GRHL2: variants seen among roughly 807,000 people sequenced by gnomAD.
GRHL2 encodes grainyhead-like protein 2 homolog.
A neutral mutation model predicts 83.8 loss-of-function variants in GRHL2; 21 were observed. The observed-to-expected ratio is 0.25, with a 90% CI of 0.18 to 0.36. The LOEUF is 0.36. Among genes scored for constraint, GRHL2 ranks in the 10% least tolerant of loss-of-function variants. The probability of loss-of-function intolerance (pLI) is 1.00; values close to 1 mark genes in which losing one functional copy is unlikely to be tolerated. For synonymous variants in GRHL2, 280 were observed against 278.9 expected (o/e 1.00, Z -0.04); for missense variants, 623 against 781.8 (o/e 0.80, Z 2.42).
chr8:101,503,142 G>A (rs1440227957), intron 1 of GRHL2, among the ~76,000 whole-genome samples: 1 of 152,134 alleles, frequency 6.6e-6, no homozygotes, highest in Non-Finnish European at 1.5e-5. Flanking sequence ...GAAGTCAATT[G>A]CCCCTGAAAG....
chr8:101,570,648 C>T (rs1811803526), intron 5 of GRHL2, among the ~76,000 whole-genome samples: 1 of 152,092 alleles, frequency 6.6e-6, no homozygotes, highest in Non-Finnish European at 1.5e-5. Context: ...TTCCTCTGAA[C>T]CTCATACTCA....
At chr8:101,641,954 T>C (rs2226399) in intron 12 of GRHL2, among the ~76,000 whole-genome samples, 62,938 of 152,074 alleles carry the variant, frequency 0.41, 15,343 homozygotes, top group Non-Finnish European at 0.54. Flanking sequence ...ATATACTGTA[T>C]TGTTTTGGGA....
downstream of GRHL2, among the ~76,000 whole-genome samples, chr8:101,673,622 C>A (rs1464683274): frequency 4.6e-5 from 7 of 151,700 alleles, no homozygotes; most frequent in Non-Finnish European, 8.8e-5. Flanking sequence ...ACTTTGACAC[C>A]CCACTGTCAA....
intron 1 of GRHL2, chr8:101,528,960 G>T: frequency 3.2e-6 from 1 of 310,982 alleles, no homozygotes; most frequent in Non-Finnish European, 6.4e-6. Flanking sequence ...ACAAGCTCAC[G>T]GGTACATGGA....
intron 9 of GRHL2, among the ~76,000 whole-genome samples, chr8:101,630,631 C>T (rs1813168530): frequency 6.6e-6 from 1 of 152,084 alleles, no homozygotes; most frequent in Non-Finnish European, 1.5e-5. Context: ...CCTAAATATG[C>T]CACCACAATG....
In GRHL2 at chr8:101,578,093, C is replaced by G. The variant is rs189671266; in HGVS notation, c.1003+574C>G. 2.7e-3 allele frequency among the ~76,000 whole-genome samples: 417 copies of G among 152,286 alleles called. 6 individuals carry two copies. The highest frequency in any genetic ancestry group is 9.7e-3 in the African/African-American group (402 of 41,562). On this transcript the variant is annotated intron_variant, in intron 7 of 15. Transcript: ENST00000646743. Reference sequence around the variant, plus strand: ...TCCGTTCTGTAGAGACCAGCAGCCCCCTGGATGGCACATCACTCGGGGTCC... The same window carrying G: ...TCCGTTCTGTAGAGACCAGCAGCCCGCTGGATGGCACATCACTCGGGGTCC...
At chr8:101,573,890 C>T (rs754695632) in intron 6 of GRHL2, 66 bp downstream of exon 6, 24 of 1,541,210 alleles carry the variant, frequency 1.6e-5, no homozygotes, top group Non-Finnish European at 2.1e-5. Flanking sequence ...ACCTCACAGC[C>T]TTGTGGAATG....
chr8:101,670,823 T>TCTC (rs2129800568), downstream of GRHL2, among the ~76,000 whole-genome samples: 1 of 152,278 alleles, frequency 6.6e-6, no homozygotes, highest in South Asian at 2.1e-4. Context: ...TGTCTCCCAC[T>TCTC]CTCTACACTG....
chr8:101,642,044 CTATGGTTG>C (rs1563621484), intron 12 of GRHL2, among the ~76,000 whole-genome samples: 1 of 152,138 alleles, frequency 6.6e-6, no homozygotes, highest in Non-Finnish European at 1.5e-5. Flanking sequence ...TTGGTTGAAG[CTATGGTTG>C]TGAAACCCAC....
chr8:101,496,606 C>G (rs2129954575), intron 1 of GRHL2, among the ~76,000 whole-genome samples: 1 of 152,006 alleles, frequency 6.6e-6, no homozygotes, highest in South Asian at 2.1e-4. Context: ...CTTGTTGACA[C>G]TAAATCAACA....
At position 101,534,700 on chromosome 8, in the gene GRHL2, G is replaced by T. The variant is rs1027533840; in HGVS notation, c.21-8541G>T. Among the ~76,000 whole-genome samples the T allele has an allele frequency of 2.6e-5, 4 of 152,188 alleles. No individual in the cohort carries two copies. The East Asian group carries it at 7.7e-4, about 29-fold the overall frequency. On this transcript the variant is annotated intron_variant, in intron 1 of 15. Coordinates refer to ENST00000646743, the MANE Select transcript of GRHL2 (RefSeq NM_024915.4). ...GTGCTAGCAGTGGAGGTAGTGAGAA[G>T]TGGTCAGAGTCTGGATATATTTTGA...
intron 1 of GRHL2, among the ~76,000 whole-genome samples, chr8:101,511,271 G>A (rs916283917): frequency 3.3e-5 from 5 of 152,164 alleles, no homozygotes; most frequent in Non-Finnish European, 7.3e-5. Context: ...ATTCATAGAA[G>A]CGGAACCTTT....
intron 9 of GRHL2, among the ~76,000 whole-genome samples, chr8:101,630,797 G>A (rs769532161): frequency 4.6e-5 from 7 of 152,150 alleles, no homozygotes; most frequent in Non-Finnish European, 7.4e-5. Context: ...AGGAACCCAC[G>A]TTGGAATGTC....
At chr8:101,527,180 C>A (rs1417249470) in intron 1 of GRHL2, among the ~76,000 whole-genome samples, 2 of 152,164 alleles carry the variant, frequency 1.3e-5, no homozygotes, top group Non-Finnish European at 1.5e-5. Flanking sequence ...GGTGTCTGCA[C>A]ACCATACTAT....
chr8:101,658,558 C>T (rs899905077), intron 14 of GRHL2, among the ~76,000 whole-genome samples: 6 of 152,110 alleles, frequency 3.9e-5, no homozygotes, highest in Non-Finnish European at 4.4e-5. Context: ...TGGCTGGTGC[C>T]GCTGCTACCC....
At chr8:101,613,803 G>A (rs1812800423) in intron 8 of GRHL2, among the ~76,000 whole-genome samples, 1 of 150,932 alleles carries the variant, frequency 6.6e-6, no homozygotes, top group African/African-American at 2.5e-5. Flanking sequence ...TGTATACCTT[G>A]TACCTGTAAT....
chr8:101,586,220 C>T (rs970327873), intron 7 of GRHL2, among the ~76,000 whole-genome samples: 1 of 152,072 alleles, frequency 6.6e-6, no homozygotes, highest in Non-Finnish European at 1.5e-5. Flanking sequence ...GCTGGGACTA[C>T]AGGCACCTCA....
chr8:101,521,406 A>G (rs1431331115), intron 1 of GRHL2, among the ~76,000 whole-genome samples: 2 of 152,194 alleles, frequency 1.3e-5, no homozygotes, highest in Non-Finnish European at 2.9e-5. Flanking sequence ...TCTTTGGCCC[A>G]TGATGCTTTC....
At chr8:101,546,217 T>C (rs1043893854) in intron 2 of GRHL2, among the ~76,000 whole-genome samples, 5 of 152,152 alleles carry the variant, frequency 3.3e-5, no homozygotes, top group African/African-American at 1.2e-4. Flanking sequence ...AATATGTCAG[T>C]TAATAGTTTT....
Sources: allele counts gnomAD v4.1 joint callset (sites outside exome capture counted in the v4.1 genomes callset), GRCh38; gene constraint gnomAD v4.1.1; transcripts MANE v1.5; gene names NCBI Gene and HGNC (gene_info 2026-07-23, HGNC 2026-07-21).